The following NTN1 variants were observed in gnomAD, a reference collection of about 807,000 sequenced individuals.
NTN1 encodes netrin 1.
NTN1 carries 11 observed loss-of-function variants against 54.2 expected under a neutral mutation model. That is an observed-to-expected ratio of 0.20 (90% CI 0.13 to 0.34). The LOEUF (loss-of-function observed/expected upper bound fraction) is 0.34. NTN1 is among the 10% of genes least tolerant of loss of function. The probability of loss-of-function intolerance (pLI) is 1.00; values close to 1 mark genes in which losing one functional copy is unlikely to be tolerated. For synonymous variants in NTN1, 371 were observed against 382.0 expected (o/e 0.97, Z 0.33); for missense variants, 740 against 893.1 (o/e 0.83, Z 2.18).
intron 2 of NTN1, among the ~76,000 whole-genome samples, chr17:9,122,717 C>T (rs902897566): frequency 4.6e-5 from 7 of 152,186 alleles, no homozygotes; most frequent in South Asian, 4.1e-4. Flanking sequence ...AACAGTTTAT[C>T]CCACCAGCCA....
intron 2 of NTN1, among the ~76,000 whole-genome samples, chr17:9,118,955 A>G (rs1482756610): frequency 6.6e-6 from 1 of 152,152 alleles, no homozygotes; most frequent in East Asian, 1.9e-4. Flanking sequence ...AATACTTGCT[A>G]TGAGTATTTG....
At chr17:9,230,433 C>T (rs1281728115) in intron 6 of NTN1, among the ~76,000 whole-genome samples, 1 of 106,868 alleles carries the variant, frequency 9.4e-6, no homozygotes, top group Non-Finnish European at 1.8e-5. Flanking sequence ...CCTCTGATTT[C>T]CCCCACCAGA....
chr17:9,200,362 G>A (rs1419211229), intron 5 of NTN1, among the ~76,000 whole-genome samples: 1 of 152,252 alleles, frequency 6.6e-6, no homozygotes, highest in Non-Finnish European at 1.5e-5. Context: ...GCGCCCGAAT[G>A]GCTTCAGCTT....
At chr17:9,131,573 C>T (rs1238045582) in intron 2 of NTN1, among the ~76,000 whole-genome samples, 1 of 150,778 alleles carries the variant, frequency 6.6e-6, no homozygotes, top group Non-Finnish European at 1.5e-5. Context: ...CATGGTATTC[C>T]CTTGATGCTT....
chr17:9,159,076 C>G (rs1005025441), intron 2 of NTN1, among the ~76,000 whole-genome samples: 3 of 152,094 alleles, frequency 2.0e-5, no homozygotes, highest in Non-Finnish European at 4.4e-5. Flanking sequence ...ACATGTTTTT[C>G]TAAAGATCAC....
intron 2 of NTN1, among the ~76,000 whole-genome samples, chr17:9,134,931 A>G (rs2092276450): frequency 6.6e-6 from 1 of 151,986 alleles, no homozygotes; most frequent in South Asian, 2.1e-4. Context: ...TTATTCCAGA[A>G]CTCAATAGTC....
intron 2 of NTN1, among the ~76,000 whole-genome samples, chr17:9,082,679 A>G (rs1440966200): frequency 6.7e-6 from 1 of 148,940 alleles, no homozygotes; most frequent in Non-Finnish European, 1.5e-5. Context: ...CTACGAGTGC[A>G]TAGAGTAGAG....
chr17:9,185,956 C>T (rs1294084456), intron 5 of NTN1, among the ~76,000 whole-genome samples: 2 of 152,084 alleles, frequency 1.3e-5, no homozygotes, highest in South Asian at 2.1e-4. Context: ...AGGGGTGGAC[C>T]CAGTGCTCCA....
chr17:9,213,374 A>T (rs1237568485), intron 5 of NTN1, among the ~76,000 whole-genome samples: 1 of 152,210 alleles, frequency 6.6e-6, no homozygotes, highest in Non-Finnish European at 1.5e-5. Flanking sequence ...CTGTGCCCTC[A>T]ATCCTAGCTC....
At chr17:9,115,229 C>T (rs1353367339) in intron 2 of NTN1, among the ~76,000 whole-genome samples, 1 of 152,234 alleles carries the variant, frequency 6.6e-6, no homozygotes. Context: ...CCAGACAGCA[C>T]CTTAATACCG....
chr17:9,234,571 G>C (rs2142374195), intron 6 of NTN1, among the ~76,000 whole-genome samples: 1 of 152,328 alleles, frequency 6.6e-6, no homozygotes, highest in South Asian at 2.1e-4. Flanking sequence ...AACCCATTCA[G>C]CCTCCAGGGT....
At chr17:9,045,195 G>A (rs1567697623) in intron 2 of NTN1, among the ~76,000 whole-genome samples, 1 of 152,222 alleles carries the variant, frequency 6.6e-6, no homozygotes, top group Non-Finnish European at 1.5e-5. Flanking sequence ...CCGACAGCTG[G>A]GGCTGAGTTT....
intron 2 of NTN1, among the ~76,000 whole-genome samples, chr17:9,066,323 A>C (rs1465954662): frequency 1.3e-5 from 2 of 152,194 alleles, no homozygotes; most frequent in African/African-American, 4.8e-5. Context: ...TTTAGTATGG[A>C]TCAAGTAGAA....
At position 9,023,063 on chromosome 17, in the gene NTN1, C is replaced by T. The variant is rs777250072; in HGVS notation, c.690C>T (p.His230=). ...FSTLDGRPSA[H]DFDNSPVLQD... ...CGCTGGACGGGCGGCCCTCGGCGCA[C>T]GACTTCGACAACTCGCCCGTGCTGC... The change falls in exon 2 of 7, where the codon CAC becomes CAT. Residue 230 remains histidine (H), a synonymous_variant. Transcript: ENST00000173229. The T allele has an allele frequency of 1.3e-6, 2 of 1,579,802 alleles. No homozygotes were observed. The highest frequency in any genetic ancestry group is 1.7e-6 in the Non-Finnish European group (2 of 1,164,638).
rs947255384 is a variant in NTN1 at position 9,022,502 on chromosome 17, C to G, written c.129C>G (p.Asp43Glu). 1.9e-6 allele frequency: 3 copies of G among 1,543,814 alleles called. No homozygotes were observed. The highest frequency in any genetic ancestry group is 2.7e-5 in the African/African-American group (2 of 73,280). ...CGGCGCAGCCCGATCCCTGCTCGGACGAGAACGGCCACCCGCGCCGCTGCA... is the reference window on the plus strand; with the variant it reads ...CGGCGCAGCCCGATCCCTGCTCGGAGGAGAACGGCCACCCGCGCCGCTGCA... Reference protein sequence around the residue: ...GQAAQPDPCSDENGHPRRCIP... With the variant: ...GQAAQPDPCSEENGHPRRCIP... Residue 43 changes from aspartate to glutamate, a missense_variant, in exon 2 of 7, where the codon GAC becomes GAG. Coordinates refer to ENST00000173229, the MANE Select transcript of NTN1 (RefSeq NM_004822.3).
At chr17:9,185,773 A>G (rs1258494749) in intron 5 of NTN1, among the ~76,000 whole-genome samples, 2 of 152,306 alleles carry the variant, frequency 1.3e-5, no homozygotes, top group South Asian at 2.1e-4. Flanking sequence ...TTCCCCACCT[A>G]TCAACTCAAG....
intron 3 of NTN1, among the ~76,000 whole-genome samples, chr17:9,170,549 C>T (rs1171908632): frequency 3.3e-5 from 5 of 152,190 alleles, no homozygotes; most frequent in Non-Finnish European, 7.3e-5. Flanking sequence ...TGCTGTTGCA[C>T]ACTCTCAATA....
the NTN1 span, among the ~76,000 whole-genome samples, chr17:9,013,918 C>A: frequency 6.6e-6 from 1 of 152,328 alleles, no homozygotes; most frequent in Non-Finnish European, 1.5e-5. Context: ...GGAACCTTGT[C>A]AAAAGCTTTT....
At chr17:9,074,758 C>T (rs2092043710) in intron 2 of NTN1, among the ~76,000 whole-genome samples, 1 of 152,176 alleles carries the variant, frequency 6.6e-6, no homozygotes, top group African/African-American at 2.4e-5. Flanking sequence ...AGATTTGACA[C>T]CCAAGGGTTG....
Sources: gnomAD v4.1 joint callset for allele counts (sites outside exome capture counted in the v4.1 genomes callset) on GRCh38, gnomAD v4.1.1 for gene constraint, MANE v1.5 for transcripts, NCBI Gene and HGNC (gene_info 2026-07-23, HGNC 2026-07-21) for gene names.